The following LRP5 variants were observed in gnomAD, a reference collection of about 807,000 sequenced individuals.
The protein encoded by LRP5 is low-density lipoprotein receptor-related protein 5.
LRP5 carries 62 observed loss-of-function variants against 154.1 expected under a neutral mutation model. The ratio of observed to expected loss-of-function variants is 0.40; its 90% CI spans 0.33 to 0.50. The LOEUF (loss-of-function observed/expected upper bound fraction) is 0.50, where lower values mean the gene tolerates loss of function less well. LRP5 is among the 20% of genes least tolerant of loss of function. LRP5 has a pLI of 0.55. For missense variants in LRP5, 1,915 were observed against 2,336.7 expected (o/e 0.82, Z 3.72); for synonymous variants, 966 against 1,011.5 (o/e 0.96, Z 0.85).
At chr11:68,369,093 C>A (rs111587565) in intron 5 of LRP5, among the ~76,000 whole-genome samples, 265 of 152,358 alleles carry the variant, frequency 1.7e-3, no homozygotes, top group Non-Finnish European at 3.3e-3. Flanking sequence ...CTACCTCAGC[C>A]TCCTAAAGTT....
chr11:68,356,547 C>T (rs984111668), intron 2 of LRP5, among the ~76,000 whole-genome samples: 2 of 152,248 alleles, frequency 1.3e-5, no homozygotes, highest in Non-Finnish European at 2.9e-5. Flanking sequence ...CTCACACCCA[C>T]ACAGCCTTCC....
chr11:68,410,181 G>A (rs564480586), intron 10 of LRP5, 41 bp downstream of exon 10: 20 of 1,540,020 alleles, frequency 1.3e-5, no homozygotes, highest in East Asian at 1.2e-4. Flanking sequence ...TGTTCACCTC[G>A]TATGAGACAG....
At chr11:68,362,601 G>C (rs2098628703) in intron 3 of LRP5, among the ~76,000 whole-genome samples, 1 of 151,306 alleles carries the variant, frequency 6.6e-6, no homozygotes, top group Non-Finnish European at 1.5e-5. Flanking sequence ...GGAGGTGGGA[G>C]AATCGCTTGA....
intron 21 of LRP5, among the ~76,000 whole-genome samples, chr11:68,443,515 AAAG>A (rs1389153992): frequency 4.0e-5 from 4 of 99,074 alleles, no homozygotes; most frequent in Non-Finnish European, 9.3e-5. Flanking sequence ...AAAGAAAAGA[AAAG>A]AAATTATCAA....
At chr11:68,410,864 G>GAAGA (rs1317814909) in intron 10 of LRP5, among the ~76,000 whole-genome samples, 18 of 152,186 alleles carry the variant, frequency 1.2e-4, no homozygotes, top group African/African-American at 4.1e-4. Context: ...GGGAAGGAAG[G>GAAGA]AAGACTTCAG....
rs370347973 is a variant in LRP5 at position 68,433,757 on chromosome 11, C to T, written c.3919C>T (p.Arg1307Trp). Residue 1307 changes from arginine (R) to tryptophan (W), a missense_variant, in exon 18 of 23, where the codon CGG (arginine) becomes TGG (tryptophan). Physicochemically the swap from Arg to Trp is moderately radical, Grantham distance 101 (BLOSUM62 -3). Around this residue, in one of 3 missense-constraint regions of LRP5, gnomAD observed 1,094 missense variants for 1,210.1 expected, o/e 0.90. Transcript: ENST00000294304. The stretch of plus-strand genomic sequence containing the variant: ...CTCCGCCGCCCAGTTCCCCTGCGCG[C>T]GGGGTCAGTGTGTGGACCTGCGCCT... ...VCSAAQFPCA[R>W]GQCVDLRLRC... The T allele has an allele frequency of 6.8e-5, 109 of 1,612,572 alleles. No homozygotes were observed. In the South Asian group the frequency reaches 8.6e-4, roughly 13 times the overall value.
Position 68,411,479 on chromosome 11 carries a change from C to T in LRP5, c.2362C>T (p.Arg788Trp), listed in dbSNP as rs1000296899. ...GTGGGGCGGCAAGCCGAGGATCGTG[C>T]GGGCCTTCATGGACGGGACCAACTG... is the stretch of plus-strand genomic sequence containing the variant. ...TEWGGKPRIV[R>W]AFMDGTNCMT... is the part of the protein sequence containing the mutation. Residue 788 changes from arginine to tryptophan, a missense_variant, in exon 11 of 23, where the codon CGG becomes TGG. By Grantham distance (101) the Arg-to-Trp change is moderately radical. Coordinates refer to ENST00000294304, the MANE Select transcript of LRP5 (RefSeq NM_002335.4). 51 of 1,613,074 alleles carry T rather than the reference C, an allele frequency of 3.2e-5. 1 individual carries two copies. The highest frequency in any genetic ancestry group is 2.2e-5 in the East Asian group (1 of 44,892).
the LRP5 span, among the ~76,000 whole-genome samples, chr11:68,301,135 T>C: frequency 6.7e-6 from 1 of 148,784 alleles, no homozygotes; most frequent in Admixed American, 6.7e-5. Flanking sequence ...TTACACCATG[T>C]TGGCCAGGCT....
At position 68,413,928 on chromosome 11, in the gene LRP5, C is replaced by A. The variant is rs1219149979; in HGVS notation, c.2743C>A (p.Gln915Lys). 1.2e-6 allele frequency: 2 copies of A among 1,611,644 alleles called. No homozygotes were observed. The change falls in exon 12 of 23, where the codon CAG becomes AAG. Residue 915 changes from glutamine to lysine, a missense_variant. By Grantham distance (53) the Gln-to-Lys change is moderately conservative. Coordinates refer to ENST00000294304, the MANE Select transcript of LRP5 (RefSeq NM_002335.4). The surrounding 1 kb of genome is among the most constrained non-coding windows in gnomAD (Gnocchi z 5.1). ...DCMHNNGQCGQLCLAIPGGHR... is the reference protein window; with the variant it reads ...DCMHNNGQCGKLCLAIPGGHR... ...TATGCACAACAACGGGCAGTGTGGGCAGCTGTGCCTTGCCATCCCCGGCGG... is the reference window on the plus strand; with the variant it reads ...TATGCACAACAACGGGCAGTGTGGGAAGCTGTGCCTTGCCATCCCCGGCGG...
chr11:68,394,743 C>T (rs993294886), intron 7 of LRP5, among the ~76,000 whole-genome samples: 3 of 152,280 alleles, frequency 2.0e-5, no homozygotes, highest in South Asian at 2.1e-4. Context: ...GGATTACAGG[C>T]GTGAGCCACC....
At chr11:68,432,035 T>A (rs2098672227) in intron 17 of LRP5, among the ~76,000 whole-genome samples, 1 of 152,196 alleles carries the variant, frequency 6.6e-6, no homozygotes, top group African/African-American at 2.4e-5. Flanking sequence ...ATGGACCCTT[T>A]GATAGTGGCA....
intron 9 of LRP5, among the ~76,000 whole-genome samples, chr11:68,408,031 C>T (rs1023002999): frequency 2.0e-5 from 3 of 152,126 alleles, no homozygotes; most frequent in African/African-American, 7.2e-5. Context: ...TGGACAACTA[C>T]AATGTTTGCT....
At chr11:68,308,779 T>C (rs2098585582), upstream of LRP5, among the ~76,000 whole-genome samples, 1 of 151,476 alleles carries the variant, frequency 6.6e-6, no homozygotes, top group Non-Finnish European at 1.5e-5. Context: ...GATGGAGTCT[T>C]GCTCTGTCGC....
intron 21 of LRP5, among the ~76,000 whole-genome samples, chr11:68,443,585 A>ATTTTTTTTTT (rs1219762322): frequency 1.2e-4 from 3 of 24,842 alleles, no homozygotes; most frequent in Non-Finnish European, 2.0e-4. Flanking sequence ...ATATATATAT[A>ATTTTTTTTTT]TTTTTTTTTT....
At chr11:68,419,630 C>G (rs1252868836) in intron 13 of LRP5, among the ~76,000 whole-genome samples, 2 of 151,630 alleles carry the variant, frequency 1.3e-5, no homozygotes, top group Non-Finnish European at 2.9e-5. Context: ...ACCTCTGCCT[C>G]CCAGGTTCAA....
chr11:68,445,984 T>C (rs965522922), intron 21 of LRP5, among the ~76,000 whole-genome samples: 1 of 152,046 alleles, frequency 6.6e-6, no homozygotes, highest in African/African-American at 2.4e-5. Context: ...CTGTGTGTGA[T>C]GGAGGGAGGA....
At chr11:68,438,064 G>T (rs2098675987) in intron 19 of LRP5, among the ~76,000 whole-genome samples, 1 of 152,328 alleles carries the variant, frequency 6.6e-6, no homozygotes, top group East Asian at 1.9e-4. Flanking sequence ...GTGGCTGGTG[G>T]GCGGCACCAG....
intron 1 of LRP5, among the ~76,000 whole-genome samples, chr11:68,313,528 G>A (rs1231778314): frequency 6.6e-6 from 1 of 152,176 alleles, no homozygotes; most frequent in Non-Finnish European, 1.5e-5. Flanking sequence ...TAGGGCGGGG[G>A]AACTTTCTCT....
At chr11:68,305,635 G>A in the LRP5 span, among the ~76,000 whole-genome samples, 1 of 151,986 alleles carries the variant, frequency 6.6e-6, no homozygotes, top group Non-Finnish European at 1.5e-5. Context: ...TAGAAATGGG[G>A]TTTCACCATG....
Sources: gnomAD v4.1 joint callset for allele counts (sites outside exome capture counted in the v4.1 genomes callset) on GRCh38, gnomAD v4.1.1 for gene constraint, gnomAD v4.1.1 regional missense constraint, Gnocchi (gnomAD v3.1) non-coding constraint, MANE v1.5 for transcripts, NCBI Gene and HGNC (gene_info 2026-07-23, HGNC 2026-07-21) for gene names.